The following SMC4 variants were observed in gnomAD, a reference collection of about 807,000 sequenced individuals.
SMC4 encodes the protein structural maintenance of chromosomes protein 4.
In SMC4, 87 loss-of-function variants were observed where a neutral mutation model predicts 145.6. That is an observed-to-expected ratio of 0.60 (90% CI 0.50 to 0.71). The LOEUF (loss-of-function observed/expected upper bound fraction) is 0.71, where lower values mean the gene tolerates loss of function less well. Among genes scored for constraint, SMC4 ranks in the 30% least tolerant of loss-of-function variants. The probability of loss-of-function intolerance (pLI) is 0.00; values close to 1 mark genes in which losing one functional copy is unlikely to be tolerated. For synonymous variants in SMC4, 558 were observed against 500.7 expected (o/e 1.11, Z -1.53); for missense variants, 1,447 against 1,537.1 (o/e 0.94, Z 0.98).
chr3:160,401,999 A>G lies in SMC4; in HGVS notation c.224A>G (p.Asn75Ser), dbSNP rs1381764973. ...IPPPPPPAMT[N>S]EAGAPRLMIT... is the part of the protein sequence containing the mutation. ...CCTCCCCCGCCTCCAGCAATGACCA[A>G]TGAAGCTGGAGCTCCTCGGCTTATG... Residue 75 changes from asparagine (N) to serine (S), a missense_variant, in exon 3 of 24, where the codon AAT (asparagine) becomes AGT (serine). Asn to Ser is a conservative substitution (Grantham distance 46, BLOSUM62 1). Coordinates refer to ENST00000357388, the MANE Select transcript of SMC4 (RefSeq NM_001002800.3). 2 of 1,603,820 alleles carry G rather than the reference A, an allele frequency of 1.2e-6. No individual in the cohort carries two copies. Among genetic ancestry groups the G allele is most frequent in the East Asian group, 2.3e-5 (1 of 44,032 alleles).
intron 11 of SMC4, among the ~76,000 whole-genome samples, chr3:160,418,645 C>A (rs980902820): frequency 1.1e-4 from 17 of 152,236 alleles, no homozygotes; most frequent in African/African-American, 3.9e-4. Context: ...GTGACTGCTT[C>A]TGTCTTCCTG....
At chr3:160,403,041 T>C (rs1278760591) in intron 4 of SMC4, among the ~76,000 whole-genome samples, 174 bp downstream of exon 4, 1 of 152,172 alleles carries the variant, frequency 6.6e-6, no homozygotes, top group Non-Finnish European at 1.5e-5. Context: ...GTTAAAATAC[T>C]TATTTTTTAG....
At position 160,431,057 on chromosome 3, in the gene SMC4, A is replaced by C; in HGVS notation, c.2966A>C (p.Glu989Ala). ...AEESLPEIQK[E>A]HRNLLQELKV... ...GAATCCTTACCAGAGATCCAGAAAG[A>C]ACATCGCAATCTGCTTCAAGAATTA... The change falls in exon 20 of 24, where the codon GAA becomes GCA. Residue 989 changes from glutamate to alanine, a missense_variant. Glu to Ala is a moderately radical substitution (Grantham distance 107). Coordinates refer to ENST00000357388, the MANE Select transcript of SMC4 (RefSeq NM_001002800.3). The C allele has an allele frequency of 6.2e-7, 1 of 1,604,096 alleles. No individual in the cohort carries two copies. Among genetic ancestry groups the C allele is most frequent in the Non-Finnish European group, 8.5e-7 (1 of 1,177,430 alleles).
In SMC4 at chr3:160,425,960, C is replaced by T. The variant is rs539388795; in HGVS notation, c.2479-114C>T. On this transcript the variant is annotated intron_variant, in intron 16 of 23. Coordinates refer to ENST00000357388, the MANE Select transcript of SMC4 (RefSeq NM_001002800.3). ...TATATCAATGGCACATATCTTTCCT[C>T]TTCCTATTAGTGTGTGTCTTTTTCT... 9.1e-5 allele frequency: 69 copies of T among 756,610 alleles called. No individual in the cohort carries two copies. In the South Asian group the frequency reaches 1.3e-3, roughly 14 times the overall value. 46.9% of individuals were successfully genotyped at this position (756,610 alleles called of 1,614,324 possible).
intron 1 of SMC4, chr3:160,400,507 T>G: frequency 8.2e-6 from 2 of 243,370 alleles, no homozygotes; most frequent in Non-Finnish European, 1.6e-5. Flanking sequence ...CGTTAGCGAA[T>G]ATTATACGCT....
At position 160,423,439 on chromosome 3, in the gene SMC4, G is replaced by A. The variant is rs775771405; in HGVS notation, c.2034G>A (p.Ala678=). 1.7e-5 allele frequency: 27 copies of A among 1,596,420 alleles called. No homozygotes were observed. Among genetic ancestry groups the A allele is most frequent in the Admixed American group, 8.4e-5 (5 of 59,376 alleles). Reference sequence around the variant, plus strand: ...TTTACTTTTAGATGGCTGTATGGGCGAAAAAGATGACCGAAATTCAAACTC... The same window carrying A: ...TTTACTTTTAGATGGCTGTATGGGCAAAAAAGATGACCGAAATTCAAACTC... ...FIGLDKMAVW[A]KKMTEIQTPE... is the part of the protein sequence containing the mutation. The change falls in exon 14 of 24, where the codon GCG becomes GCA. Residue 678 remains alanine, a synonymous_variant. Coordinates refer to ENST00000357388, the MANE Select transcript of SMC4 (RefSeq NM_001002800.3).
intron 5 of SMC4, among the ~76,000 whole-genome samples, chr3:160,409,832 T>C (rs981422138): frequency 4.6e-5 from 7 of 152,170 alleles, no homozygotes; most frequent in Non-Finnish European, 8.8e-5. Flanking sequence ...TTTGGGAGGC[T>C]GAGGCAAAAG....
At chr3:160,403,421 AT>A (rs1443341061) in intron 4 of SMC4, among the ~76,000 whole-genome samples, 1 of 152,130 alleles carries the variant, frequency 6.6e-6, no homozygotes, top group East Asian at 1.9e-4. Flanking sequence ...TGTCTAGATT[AT>A]TTACCTGTTG....
At chr3:160,418,116 G>A (rs1001206646) in intron 11 of SMC4, among the ~76,000 whole-genome samples, 160 bp downstream of exon 11, 2 of 152,002 alleles carry the variant, frequency 1.3e-5, no homozygotes, top group Admixed American at 1.3e-4. Flanking sequence ...TTCCATATGT[G>A]AACTGAGACT....
chr3:160,409,075 G>C (rs1299743377), intron 5 of SMC4, among the ~76,000 whole-genome samples: 1 of 150,436 alleles, frequency 6.6e-6, no homozygotes, highest in East Asian at 1.9e-4. Context: ...GACCATCCTG[G>C]CTAACACGGT....
chr3:160,403,241 C>T (rs543259893), intron 4 of SMC4, among the ~76,000 whole-genome samples: 22 of 151,970 alleles, frequency 1.4e-4, no homozygotes, highest in Non-Finnish European at 2.1e-4. Flanking sequence ...CCGGTTTTAC[C>T]ATCTTCATTA....
At chr3:160,407,164 C>G (rs1715427331) in intron 5 of SMC4, among the ~76,000 whole-genome samples, 1 of 152,144 alleles carries the variant, frequency 6.6e-6, no homozygotes, top group South Asian at 2.1e-4. Context: ...TTTTTGTAAA[C>G]TCCTCAAAAG....
intron 13 of SMC4, 58 bp from the exon 14 acceptor site, chr3:160,423,367 T>G: frequency 9.9e-7 from 1 of 1,011,116 alleles, no homozygotes; most frequent in Non-Finnish European, 1.4e-6. Context: ...TTGTTTTTTT[T>G]TTTGAGTTTT....
At chr3:160,420,966 G>C in intron 13 of SMC4, 65 bp downstream of exon 13, 1 of 1,371,460 alleles carries the variant, frequency 7.3e-7, no homozygotes, top group Non-Finnish European at 9.8e-7. Context: ...GTCTCGCTCT[G>C]TCACCCAGGC....
At chr3:160,427,571 C>G in intron 17 of SMC4, among the ~76,000 whole-genome samples, 1 of 152,116 alleles carries the variant, frequency 6.6e-6, no homozygotes, top group Admixed American at 6.5e-5. Flanking sequence ...TGTGTTTCAT[C>G]CTTATTTGAA....
At chr3:160,430,501 AT>A (rs1718282952) in intron 18 of SMC4, 97 bp from the exon 19 acceptor site, 3 of 1,066,080 alleles carry the variant, frequency 2.8e-6, no homozygotes, top group Admixed American at 2.7e-5. Flanking sequence ...AATAGAAAAA[AT>A]GTCACATTAA....
At chr3:160,413,798 A>G in intron 8 of SMC4, 185 bp downstream of exon 8, 2 of 403,242 alleles carry the variant, frequency 5.0e-6, no homozygotes, top group Non-Finnish European at 8.9e-6. Flanking sequence ...GAAATTCCCT[A>G]CTCTGAAGTC....
At position 160,414,534 on chromosome 3, in the gene SMC4, A is replaced by G. The variant is rs1716387800; in HGVS notation, c.1272+17A>G. ...AAAGAAAAGGTAGGTGTTAGAAAAA[A>G]ATTCTTAAAATTTCACGTCTGAATA... On this transcript the variant is annotated intron_variant, in intron 9 of 23. Coordinates refer to ENST00000357388, the MANE Select transcript of SMC4 (RefSeq NM_001002800.3). 6.2e-7 allele frequency: 1 copy of G among 1,603,662 alleles called. No individual in the cohort carries two copies. The highest frequency in any genetic ancestry group is 8.5e-7 in the Non-Finnish European group (1 of 1,174,414).
intron 8 of SMC4, chr3:160,414,014 TAA>T (rs993327431): frequency 1.5e-5 from 5 of 341,830 alleles, no homozygotes; most frequent in African/African-American, 1.1e-4. Flanking sequence ...TATTTTTAAA[TAA>T]AAAAATTTGT....
Sources: gnomAD v4.1 joint callset for allele counts (sites outside exome capture counted in the v4.1 genomes callset) on GRCh38, gnomAD v4.1.1 for gene constraint, MANE v1.5 for transcripts, NCBI Gene and HGNC (gene_info 2026-07-23, HGNC 2026-07-21) for gene names.